The following HSPA4L variants were observed in gnomAD, a reference collection of about 807,000 sequenced individuals.
HSPA4L encodes the protein heat shock 70 kDa protein 4L.
HSPA4L carries 48 observed loss-of-function variants against 100.3 expected under a neutral mutation model. The observed-to-expected ratio is 0.48, with a 90% CI of 0.38 to 0.61. The LOEUF is 0.61. Among genes scored for constraint, HSPA4L ranks in the 20% least tolerant of loss-of-function variants. HSPA4L has a pLI of 0.00. For missense variants in HSPA4L, 886 were observed against 988.6 expected, an observed-to-expected ratio of 0.90 and a Z score of 1.39; for synonymous variants, 319 against 328.2, an observed-to-expected ratio of 0.97 and a Z score of 0.30.
intron 11 of HSPA4L, among the ~76,000 whole-genome samples, 195 bp downstream of exon 11, chr4:127,808,324 C>A (rs561392343): frequency 6.6e-6 from 1 of 152,098 alleles, no homozygotes; most frequent in African/African-American, 2.4e-5. Context: ...TTACTGCAGT[C>A]GGCCCTCAGT....
rs1734305485 is a variant in HSPA4L at position 127,839,215 on chromosome 4, A to T, written c.*6341A>T. Reference sequence around the variant, plus strand: ...TTCCTTGTTGTTTTAGAGTTTCCTAAATTTTTTGCTTCTGGGGACTTGAGT... The same window carrying T: ...TTCCTTGTTGTTTTAGAGTTTCCTATATTTTTTGCTTCTGGGGACTTGAGT... On this transcript the variant is annotated 3_prime_UTR_variant, in exon 19 of 19. Transcript: ENST00000296464. 6.6e-6 allele frequency: 1 copy of T among 152,136 alleles called. No individual in the cohort carries two copies. 9.4% of individuals were successfully genotyped at this position (152,136 alleles called of 1,614,324 possible). A position where few individuals can be genotyped will look rare whatever the true frequency, so the allele number is the denominator to read the frequency against.
intron 16 of HSPA4L, among the ~76,000 whole-genome samples, chr4:127,826,293 T>A (rs1221485376): frequency 6.6e-6 from 1 of 151,840 alleles, no homozygotes; most frequent in Non-Finnish European, 1.5e-5. Context: ...TAGTTCCAGG[T>A]TGGGAGGCTG....
At chr4:127,804,999 A>G (rs1733310490) in intron 8 of HSPA4L, 74 bp from the exon 9 acceptor site, 2 of 952,732 alleles carry the variant, frequency 2.1e-6, no homozygotes, top group Non-Finnish European at 3.0e-6. Context: ...CCACTTTTTA[A>G]AAAAGTACTC....
Position 127,832,839 on chromosome 4 carries a change from C to T in HSPA4L, c.2485C>T (p.His829Tyr). ...AGATTCAACAAAAGACAGCTCACAG[C>T]ATACTAAATCCTCTGGAGAGATGGA... ...KSDSTKDSSQ[H>Y]TKSSGEMEVD Residue 829 changes from histidine to tyrosine, a missense_variant, in exon 19 of 19, where the codon CAT becomes TAT. Transcript: ENST00000296464. The T allele has an allele frequency of 6.2e-7, 1 of 1,611,620 alleles. No homozygotes were observed. The highest frequency in any genetic ancestry group is 8.5e-7 in the Non-Finnish European group (1 of 1,178,950).
chr4:127,782,195 G>A (rs911996454), upstream of HSPA4L: 4 of 406,550 alleles, frequency 9.8e-6, no homozygotes, highest in Non-Finnish European at 2.0e-5. Context: ...CCCGAGTGCT[G>A]ACGGAAGCGG....
chr4:127,830,269 T>A (rs1734045855), intron 17 of HSPA4L, among the ~76,000 whole-genome samples: 1 of 152,204 alleles, frequency 6.6e-6, no homozygotes, highest in South Asian at 2.1e-4. Context: ...TTTAATATGC[T>A]TTTCTGTTAT....
chr4:127,821,937 C>G (rs1490817615), intron 14 of HSPA4L, among the ~76,000 whole-genome samples: 2 of 152,050 alleles, frequency 1.3e-5, no homozygotes, highest in Non-Finnish European at 2.9e-5. Flanking sequence ...GCTATGTTTT[C>G]TTTTGTTTTT....
In HSPA4L at chr4:127,834,366, G is replaced by C. The variant is rs989136233; in HGVS notation, c.*1492G>C. 9 of 152,130 alleles carry C rather than the reference G, an allele frequency of 5.9e-5. 1 individual carries two copies. Among genetic ancestry groups the C allele is most frequent in the African/African-American group, 2.2e-4 (9 of 41,442 alleles). 9.4% of individuals were successfully genotyped at this position (152,130 alleles called of 1,614,324 possible). A position where few individuals can be genotyped will look rare whatever the true frequency, so the allele number is the denominator to read the frequency against. ...AAAAATTGAGAGTACAATATCTTTAGGGATAGTCATTATTTCTCACAACTA... is the reference window on the plus strand; with the variant it reads ...AAAAATTGAGAGTACAATATCTTTACGGATAGTCATTATTTCTCACAACTA... On this transcript the variant is annotated 3_prime_UTR_variant, in exon 19 of 19. Transcript: ENST00000296464.
chr4:127,820,021 G>A (rs556592726), intron 13 of HSPA4L, among the ~76,000 whole-genome samples: 3 of 151,992 alleles, frequency 2.0e-5, no homozygotes, highest in Non-Finnish European at 4.4e-5. Flanking sequence ...TAACATTTTT[G>A]TTAACATTGT....
At chr4:127,796,413 G>A (rs994665745) in intron 3 of HSPA4L, among the ~76,000 whole-genome samples, 3 of 151,982 alleles carry the variant, frequency 2.0e-5, no homozygotes, top group Non-Finnish European at 4.4e-5. Flanking sequence ...TCAAAAACTA[G>A]CCTCATAACA....
At chr4:127,821,099 T>G (rs1028670634) in intron 14 of HSPA4L, among the ~76,000 whole-genome samples, 1 of 152,152 alleles carries the variant, frequency 6.6e-6, no homozygotes, top group South Asian at 2.1e-4. Context: ...AAGTTTACAT[T>G]TAAGTGGTAG....
chr4:127,783,460 ATTATGAACGC>A, intron 1 of HSPA4L: 2 of 1,406,838 alleles, frequency 1.4e-6, no homozygotes, highest in Non-Finnish European at 1.9e-6. Flanking sequence ...GAGTGATTCT[ATTATGAACGC>A]TTAATGAAAG....
In HSPA4L at chr4:127,833,239, A is replaced by ATAGAT. The variant is rs1373528710; in HGVS notation, c.*367_*371dup. The ATAGAT allele has an allele frequency of 4.8e-5, 8 of 166,220 alleles. No individual in the cohort carries two copies. Among genetic ancestry groups the ATAGAT allele is most frequent in the African/African-American group, 1.9e-4 (8 of 42,138 alleles). The allele number at this position is 166,220 out of a possible 1,614,324, so 10.3% of individuals were successfully genotyped here. A position where few individuals can be genotyped will look rare whatever the true frequency, so the allele number is the denominator to read the frequency against. The stretch of plus-strand genomic sequence containing the variant: ...TTTATTGCATTATTGTTGCAGAAGC[A>ATAGAT]TAGATTTAATTGCATCTTTATTTTG... On this transcript the variant is annotated 3_prime_UTR_variant, in exon 19 of 19. Transcript: ENST00000296464.
Position 127,833,541 on chromosome 4 carries a change from CGTT to C in HSPA4L, c.*670_*672del, listed in dbSNP as rs916320516. On this transcript the variant is annotated 3_prime_UTR_variant, in exon 19 of 19. Transcript: ENST00000296464. ...GGATTGATGTTTTCTCAGAGTAACT[CGTT>C]GTCTTTTCGCTTGAAATTTTTGATC... The C allele has an allele frequency of 7.2e-5, 11 of 152,122 alleles. No individual in the cohort carries two copies. The highest frequency in any genetic ancestry group is 2.2e-4 in the African/African-American group (9 of 41,434). The allele number at this position is 152,122 out of a possible 1,614,324, so 9.4% of individuals were successfully genotyped here.
At chr4:127,809,297 A>C in intron 11 of HSPA4L, 2 of 1,219,686 alleles carry the variant, frequency 1.6e-6, no homozygotes, top group Non-Finnish European at 2.4e-6. Context: ...CTAGCATTGC[A>C]CTCTCGAGAC....
chr4:127,809,200 C>T, intron 11 of HSPA4L: 1 of 1,196,820 alleles, frequency 8.4e-7, no homozygotes, highest in Non-Finnish European at 1.2e-6. Flanking sequence ...ACAAGGTTTT[C>T]AAAACAAGTT....
chr4:127,827,234 T>TA, intron 16 of HSPA4L, 71 bp from the exon 17 acceptor site: 1 of 1,242,974 alleles, frequency 8.0e-7, no homozygotes, highest in Non-Finnish European at 1.2e-6. Flanking sequence ...TATCATCCTA[T>TA]AAGGGCCCTA....
At chr4:127,803,189 T>C (rs1405183877) in intron 6 of HSPA4L, among the ~76,000 whole-genome samples, 1 of 152,184 alleles carries the variant, frequency 6.6e-6, no homozygotes, top group African/African-American at 2.4e-5. Context: ...TAATTTCTGA[T>C]CCGTAAATTG....
chr4:127,834,352 G>A lies in HSPA4L; in HGVS notation c.*1478G>A, dbSNP rs923679039. The A allele has an allele frequency of 1.3e-5, 2 of 152,120 alleles. No individual in the cohort carries two copies. The highest frequency in any genetic ancestry group is 2.4e-5 in the African/African-American group (1 of 41,424). 9.4% of individuals were successfully genotyped at this position (152,120 alleles called of 1,614,324 possible). A position where few individuals can be genotyped will look rare whatever the true frequency, so the allele number is the denominator to read the frequency against. On this transcript the variant is annotated 3_prime_UTR_variant, in exon 19 of 19. Coordinates refer to ENST00000296464, the MANE Select transcript of HSPA4L (RefSeq NM_014278.4). ...TTGACTTAAGTTGTAAAAATTGAGA[G>A]TACAATATCTTTAGGGATAGTCATT...
Sources: gnomAD v4.1 joint callset for allele counts (sites outside exome capture counted in the v4.1 genomes callset) on GRCh38, gnomAD v4.1.1 for gene constraint, MANE v1.5 for transcripts, NCBI Gene and HGNC (gene_info 2026-07-23, HGNC 2026-07-21) for gene names.